Variants in PCCA observed in about 807,000 individuals in gnomAD.
PCCA encodes propionyl-CoA carboxylase subunit alpha.
PCCA carries 74 observed loss-of-function variants against 101.3 expected under a neutral mutation model. That is an observed-to-expected ratio of 0.73 (90% CI 0.61 to 0.89). The LOEUF (loss-of-function observed/expected upper bound fraction) is 0.89. Among genes scored for constraint, PCCA ranks in the 40% least tolerant of loss-of-function variants. The pLI is 0.00. For synonymous variants in PCCA, 294 were observed against 313.6 expected (o/e 0.94, Z 0.66); for missense variants, 891 against 907.0 (o/e 0.98, Z 0.23).
intron 21 of PCCA, among the ~76,000 whole-genome samples, chr13:100,501,259 G>C (rs1281862938): frequency 6.6e-6 from 1 of 152,184 alleles, no homozygotes; most frequent in Non-Finnish European, 1.5e-5. Context: ...GTGTAAATTT[G>C]TGACATGCAT....
intron 8 of PCCA, among the ~76,000 whole-genome samples, chr13:100,251,784 G>A (rs11617787): frequency 0.28 from 42,451 of 152,086 alleles, 7,370 homozygotes; most frequent in Middle Eastern, 0.47. Flanking sequence ...TTGATGCGAT[G>A]GAAGAACTCG....
At chr13:100,474,438 G>GTT in intron 21 of PCCA, among the ~76,000 whole-genome samples, 1 of 89,516 alleles carries the variant, frequency 1.1e-5, no homozygotes, top group East Asian at 2.7e-4. Flanking sequence ...TGTATTTACT[G>GTT]TTTCTCTCTC....
chr13:100,175,365 T>C lies in PCCA; in HGVS notation c.468+18025T>C, dbSNP rs376675327. Among the ~76,000 whole-genome samples, 148 of 152,380 alleles carry C rather than the reference T, an allele frequency of 9.7e-4. 4 individuals carry two copies. In the South Asian group the frequency reaches 0.028, roughly 29 times the overall value. On this transcript the variant is annotated intron_variant, in intron 6 of 23. Coordinates refer to ENST00000376285, the MANE Select transcript of PCCA (RefSeq NM_000282.4). ...AGAAGTTTTGCAAATCTTAGCCACA[T>C]GTCTACTAATGTTTTGCACACTATT...
chr13:100,456,482 G>GGGAC (rs1295835965), intron 21 of PCCA, among the ~76,000 whole-genome samples: 1 of 152,118 alleles, frequency 6.6e-6, no homozygotes, highest in Non-Finnish European at 1.5e-5. Context: ...CTGGGCCTGG[G>GGGAC]GGACCACTGC....
intron 18 of PCCA, among the ~76,000 whole-genome samples, chr13:100,367,270 A>G (rs2075245498): frequency 6.6e-6 from 1 of 152,220 alleles, no homozygotes; most frequent in Non-Finnish European, 1.5e-5. Flanking sequence ...TACTGATAAT[A>G]TGCAAGAAAA....
intron 21 of PCCA, among the ~76,000 whole-genome samples, chr13:100,451,494 T>C (rs1278142965): frequency 6.6e-6 from 1 of 152,150 alleles, no homozygotes; most frequent in Non-Finnish European, 1.5e-5. Context: ...AGAGGACTGC[T>C]TTCACTCCTC....
intron 8 of PCCA, among the ~76,000 whole-genome samples, chr13:100,247,287 G>A (rs1022135668): frequency 1.4e-5 from 2 of 145,798 alleles, no homozygotes; most frequent in Non-Finnish European, 3.0e-5. Context: ...GCATGATCTC[G>A]GCTCACTGCA....
chr13:100,103,397 C>T (rs898199957), intron 2 of PCCA, among the ~76,000 whole-genome samples: 3 of 150,858 alleles, frequency 2.0e-5, no homozygotes, highest in East Asian at 1.9e-4. Context: ...CTGCAACCTA[C>T]GCCTCTGGGG....
At chr13:100,189,161 G>A (rs1247380465) in intron 6 of PCCA, among the ~76,000 whole-genome samples, 2 of 152,084 alleles carry the variant, frequency 1.3e-5, no homozygotes, top group Non-Finnish European at 2.9e-5. Flanking sequence ...TCTTGTGATA[G>A]TTTGCTGAGA....
chr13:100,241,833 T>G (rs2152532077), intron 8 of PCCA, among the ~76,000 whole-genome samples: 1 of 152,332 alleles, frequency 6.6e-6, no homozygotes, highest in Non-Finnish European at 1.5e-5. Flanking sequence ...TAAATGGTAC[T>G]GCTATGAACA....
chr13:100,306,155 G>T (rs762948653), intron 14 of PCCA, among the ~76,000 whole-genome samples: 4 of 152,168 alleles, frequency 2.6e-5, no homozygotes, highest in African/African-American at 9.7e-5. Flanking sequence ...CCTAACAGCC[G>T]CTGTGTTGAC....
intron 18 of PCCA, among the ~76,000 whole-genome samples, chr13:100,356,774 G>A (rs1193035305): frequency 1.3e-5 from 2 of 152,166 alleles, no homozygotes; most frequent in African/African-American, 4.8e-5. Flanking sequence ...AATGTTTATA[G>A]TGGCATTTTT....
Position 100,515,414 on chromosome 13 carries a change from T to G in PCCA, c.1900-13T>G. On this transcript the variant is annotated splice_polypyrimidine_tract_variant and intron_variant, in intron 21 of 23. Transcript: ENST00000376285. ...TAAACTCATTTATGGTTTGGTTTTG[T>G]TTTTCCCTTAAGTACAAGGTGAATA... 2.5e-6 allele frequency: 4 copies of G among 1,613,308 alleles called. No individual in the cohort carries two copies. Among genetic ancestry groups the G allele is most frequent in the Non-Finnish European group, 3.4e-6 (4 of 1,179,258 alleles).
At chr13:100,093,004 T>C (rs2046415869) in intron 1 of PCCA, among the ~76,000 whole-genome samples, 1 of 152,220 alleles carries the variant, frequency 6.6e-6, no homozygotes, top group Non-Finnish European at 1.5e-5. Context: ...TAAAAACTGC[T>C]CTAGTCCTTT....
Position 100,262,774 on chromosome 13 carries a change from C to A in PCCA, c.762C>A (p.Gly254=), listed in dbSNP as rs758211858. The change falls in exon 10 of 24, where the codon GGC becomes GGA. Residue 254 remains glycine, a synonymous_variant. Coordinates refer to ENST00000376285, the MANE Select transcript of PCCA (RefSeq NM_000282.4). The part of the protein sequence containing the change: ...LSSQEAASSF[G]DDRLLIEKFI... ...CTCAAGAAGCTGCTTCTAGTTTTGG[C>A]GATGATAGACTACTAATAGAAAAAT... 1 of 1,574,448 alleles carries A rather than the reference C, an allele frequency of 6.4e-7. No homozygotes were observed. The highest frequency in any genetic ancestry group is 8.7e-7 in the Non-Finnish European group (1 of 1,151,760).
intron 12 of PCCA, among the ~76,000 whole-genome samples, chr13:100,274,778 C>T (rs745410488): frequency 1.1e-4 from 17 of 152,080 alleles, no homozygotes; most frequent in Non-Finnish European, 1.9e-4. Flanking sequence ...TACGTGATTT[C>T]CTCTGCCAAG....
intron 4 of PCCA, among the ~76,000 whole-genome samples, chr13:100,134,219 G>A (rs1252424505): frequency 6.6e-6 from 1 of 152,120 alleles, no homozygotes; most frequent in Non-Finnish European, 1.5e-5. Flanking sequence ...AAAATCAAAT[G>A]GGGTGATATT....
chr13:100,363,615 G>T (rs1016429078), intron 18 of PCCA, among the ~76,000 whole-genome samples: 1 of 152,060 alleles, frequency 6.6e-6, no homozygotes, highest in Admixed American at 6.6e-5. Context: ...TATTATTCTC[G>T]ATCATTTTAC....
At chr13:100,119,627 C>T (rs1398394923) in intron 4 of PCCA, among the ~76,000 whole-genome samples, 3 of 152,072 alleles carry the variant, frequency 2.0e-5, no homozygotes, top group Non-Finnish European at 4.4e-5. Flanking sequence ...CACAGAGATA[C>T]GAGCATAGGG....
Sources: gnomAD v4.1 joint callset for allele counts (sites outside exome capture counted in the v4.1 genomes callset) on GRCh38, gnomAD v4.1.1 for gene constraint, MANE v1.5 for transcripts, NCBI Gene and HGNC (gene_info 2026-07-23, HGNC 2026-07-21) for gene names.